Variants in KDM4C observed in about 807,000 individuals in gnomAD.
KDM4C encodes lysine demethylase 4C, also known as lysine-specific demethylase 4C.
A neutral mutation model predicts 129.3 loss-of-function variants in KDM4C; 81 were observed. The ratio of observed to expected loss-of-function variants is 0.63; its 90% CI spans 0.52 to 0.75. The LOEUF is 0.75. Among genes scored for constraint, KDM4C ranks in the 30% least tolerant of loss-of-function variants. The pLI is 0.00. For missense variants in KDM4C, 1,457 were observed against 1,304.0 expected, an observed-to-expected ratio of 1.12 and a Z score of -1.81; for synonymous variants, 573 against 456.1, an observed-to-expected ratio of 1.26 and a Z score of -3.26.
chr9:7,031,928 A>C (rs1487523030), intron 15 of KDM4C, among the ~76,000 whole-genome samples: 6 of 152,208 alleles, frequency 3.9e-5, no homozygotes, highest in African/African-American at 1.2e-4. Context: ...TGTGAGCTAG[A>C]GATTGTAAGT....
Position 6,815,002 on chromosome 9 carries a change from A to G in KDM4C, c.435+257A>G, listed in dbSNP as rs185991982. On this transcript the variant is annotated intron_variant, in intron 4 of 21. Coordinates refer to ENST00000381309, the MANE Select transcript of KDM4C (RefSeq NM_015061.6). ...ATCTGGCTGATCTTTTCATTACATT[A>G]AAACTTTTTAAAGCAAAAATACATT... The G allele has an allele frequency of 7.7e-4, 223 of 288,508 alleles. 3 individuals are homozygous for G. In the East Asian group the frequency reaches 0.013, roughly 16 times the overall value. 17.9% of individuals were successfully genotyped at this position (288,508 alleles called of 1,614,324 possible). A position where few individuals can be genotyped will look rare whatever the true frequency, so the allele number is the denominator to read the frequency against.
rs575517136 is a variant in KDM4C at position 7,044,964 on chromosome 9, A to G, written c.2260-1898A>G. Among the ~76,000 whole-genome samples the G allele has an allele frequency of 3.9e-5, 6 of 152,130 alleles. 1 individual carries two copies. The South Asian group carries it at 1.2e-3, about 32-fold the overall frequency. On this transcript the variant is annotated intron_variant, in intron 15 of 21. Coordinates refer to ENST00000381309, the MANE Select transcript of KDM4C (RefSeq NM_015061.6). ...AGAAAATCTTTCAGGAAGGATCAACAGTGTTGTATGGTGCTAAGAGGTCAG... is the reference window on the plus strand; with the variant it reads ...AGAAAATCTTTCAGGAAGGATCAACGGTGTTGTATGGTGCTAAGAGGTCAG...
At chr9:7,075,954 G>A (rs1251270898) in intron 17 of KDM4C, among the ~76,000 whole-genome samples, 1 of 152,090 alleles carries the variant, frequency 6.6e-6, no homozygotes, top group Non-Finnish European at 1.5e-5. Context: ...CTCAAAGTAG[G>A]TCAACCCTCC....
At chr9:6,765,177 T>C (rs1820368030) in intron 1 of KDM4C, among the ~76,000 whole-genome samples, 1 of 152,198 alleles carries the variant, frequency 6.6e-6, no homozygotes, top group Non-Finnish European at 1.5e-5. Context: ...ATTCCTGCCA[T>C]ATCTCTTTCT....
At chr9:6,974,843 A>T (rs951994795) in intron 8 of KDM4C, 9 of 152,212 alleles carry the variant, frequency 5.9e-5, no homozygotes, top group Non-Finnish European at 8.8e-5. Flanking sequence ...CGAATACTAA[A>T]GAGTTCAATT....
chr9:7,094,730 T>C lies in KDM4C; in HGVS notation c.2425-8955T>C, dbSNP rs569097669. On this transcript the variant is annotated intron_variant, in intron 17 of 21. Coordinates refer to ENST00000381309, the MANE Select transcript of KDM4C (RefSeq NM_015061.6). Reference sequence around the variant, plus strand: ...CGGGACATGTCTGCACTGCATTGACTTTATAGCTTTTCATCACTGTTTCCT... The same window carrying C: ...CGGGACATGTCTGCACTGCATTGACCTTATAGCTTTTCATCACTGTTTCCT... Among the ~76,000 whole-genome samples the C allele has an allele frequency of 5.3e-4, 80 of 152,324 alleles. 4 individuals are homozygous for C. The South Asian group carries it at 0.016, about 30-fold the overall frequency.
chr9:6,877,597 A>G (rs778344017), intron 5 of KDM4C, among the ~76,000 whole-genome samples: 44 of 152,204 alleles, frequency 2.9e-4, no homozygotes, highest in Non-Finnish European at 5.9e-4. Flanking sequence ...ACAGAGTGAG[A>G]TAATTGATTA....
intron 15 of KDM4C, among the ~76,000 whole-genome samples, chr9:7,039,907 A>T (rs779145505): frequency 6.6e-6 from 1 of 151,920 alleles, no homozygotes; most frequent in Admixed American, 6.6e-5. Context: ...AGCTCTATGT[A>T]TTTTGCATTT....
intron 4 of KDM4C, among the ~76,000 whole-genome samples, chr9:6,820,532 C>T (rs951664281): frequency 1.9e-4 from 29 of 152,200 alleles, no homozygotes; most frequent in African/African-American, 6.7e-4. Context: ...TGTCTCTTAG[C>T]CCCAGGCAAA....
At chr9:6,849,058 A>G (rs1838365103) in intron 4 of KDM4C, among the ~76,000 whole-genome samples, 1 of 152,164 alleles carries the variant, frequency 6.6e-6, no homozygotes, top group African/African-American at 2.4e-5. Context: ...TGGTTTCTTG[A>G]TGTGATATGT....
At chr9:6,728,232 G>C (rs12341867) in intron 1 of KDM4C, among the ~76,000 whole-genome samples, 16,648 of 152,204 alleles carry the variant, frequency 0.11, 1,102 homozygotes, top group African/African-American at 0.18. Flanking sequence ...AATTCTCTGA[G>C]TATTAAAAAC....
At chr9:6,982,669 C>G (rs1330403917) in intron 9 of KDM4C, 1 of 152,188 alleles carries the variant, frequency 6.6e-6, no homozygotes, top group Non-Finnish European at 1.5e-5. Flanking sequence ...GTATCCAATC[C>G]TGAGTTCAGA....
intron 4 of KDM4C, among the ~76,000 whole-genome samples, chr9:6,843,658 G>C (rs1261957944): frequency 6.6e-6 from 1 of 152,184 alleles, no homozygotes; most frequent in East Asian, 1.9e-4. Flanking sequence ...GAGTGGTGGA[G>C]CCAGCATTTG....
chr9:6,846,616 T>G (rs1837893947), intron 4 of KDM4C, among the ~76,000 whole-genome samples: 1 of 152,220 alleles, frequency 6.6e-6, no homozygotes, highest in Admixed American at 6.5e-5. Flanking sequence ...CTTTTTATTT[T>G]AGCAAAATAA....
chr9:7,100,895 A>G (rs1398341643), intron 17 of KDM4C, among the ~76,000 whole-genome samples: 1 of 151,342 alleles, frequency 6.6e-6, no homozygotes, highest in Non-Finnish European at 1.5e-5. Flanking sequence ...CCAAACACTT[A>G]TTTTGCATTA....
chr9:6,828,253 T>C (rs1438084585), intron 4 of KDM4C, among the ~76,000 whole-genome samples: 9 of 151,984 alleles, frequency 5.9e-5, no homozygotes, highest in African/African-American at 2.2e-4. Context: ...GTTCAGGCCA[T>C]TCTCCTGTCT....
intron 1 of KDM4C, among the ~76,000 whole-genome samples, chr9:6,775,065 C>G (rs1446145624): frequency 6.6e-6 from 1 of 152,132 alleles, no homozygotes; most frequent in East Asian, 1.9e-4. Context: ...GGTCAGAGTG[C>G]AAGTGCAGTG....
chr9:6,935,029 C>T (rs977203571), intron 8 of KDM4C, among the ~76,000 whole-genome samples: 10 of 151,884 alleles, frequency 6.6e-5, no homozygotes, highest in East Asian at 1.9e-4. Context: ...AATATTACAA[C>T]GGCTAAACTG....
At chr9:6,747,547 A>AAG (rs1236856163) in intron 1 of KDM4C, among the ~76,000 whole-genome samples, 2 of 151,814 alleles carry the variant, frequency 1.3e-5, no homozygotes, top group African/African-American at 4.8e-5. Context: ...TTCAAAAAAA[A>AAG]AAAAAAAAAA....
Sources: allele counts gnomAD v4.1 joint callset (sites outside exome capture counted in the v4.1 genomes callset), GRCh38; gene constraint gnomAD v4.1.1; transcripts MANE v1.5; gene names NCBI Gene and HGNC (gene_info 2026-07-23, HGNC 2026-07-21).